The following ZCCHC7 variants were observed in gnomAD, a reference collection of about 807,000 sequenced individuals.
The protein encoded by ZCCHC7 is zinc finger CCHC-type containing 7, also known as zinc finger CCHC domain-containing protein 7.
A neutral mutation model predicts 52.0 loss-of-function variants in ZCCHC7; 35 were observed. The observed-to-expected ratio is 0.67, with a 90% CI of 0.51 to 0.89. The LOEUF is 0.89. Ranked by LOEUF, ZCCHC7 falls within the 40% of genes least tolerant of loss-of-function variation. The probability of loss-of-function intolerance (pLI) is 0.00; values close to 1 mark genes in which losing one functional copy is unlikely to be tolerated. For synonymous variants in ZCCHC7, 217 were observed against 221.5 expected (o/e 0.98, Z 0.18); for missense variants, 574 against 649.1 (o/e 0.88, Z 1.26).
chr9:37,133,936 C>T (rs1588354189), intron 2 of ZCCHC7, among the ~76,000 whole-genome samples: 1 of 152,280 alleles, frequency 6.6e-6, no homozygotes, highest in East Asian at 1.9e-4. Flanking sequence ...GTTGGCTAGA[C>T]TGGTCTTGAA....
intron 2 of ZCCHC7, among the ~76,000 whole-genome samples, chr9:37,270,682 CAAA>C (rs766670950): frequency 3.1e-5 from 3 of 95,964 alleles, no homozygotes; most frequent in Non-Finnish European, 6.5e-5. Context: ...AACTTTGTCT[CAAA>C]AAAAAAAAAA....
chr9:37,311,310 C>A (rs576107849), intron 5 of ZCCHC7, among the ~76,000 whole-genome samples: 4 of 152,302 alleles, frequency 2.6e-5, no homozygotes, highest in African/African-American at 9.6e-5. Flanking sequence ...ATTCCCTGCT[C>A]AGTGTGTTAT....
At chr9:37,340,400 T>G (rs1588694867) in intron 6 of ZCCHC7, among the ~76,000 whole-genome samples, 1 of 131,160 alleles carries the variant, frequency 7.6e-6, no homozygotes, top group African/African-American at 3.3e-5. Flanking sequence ...TATTTAAATG[T>G]CTGCAACCAA....
chr9:37,192,591 G>C (rs575373486), intron 2 of ZCCHC7, among the ~76,000 whole-genome samples: 1 of 152,298 alleles, frequency 6.6e-6, no homozygotes, highest in South Asian at 2.1e-4. Context: ...CCATGTAATT[G>C]GCTATTTCTT....
At chr9:37,155,034 G>A (rs563717445) in intron 2 of ZCCHC7, among the ~76,000 whole-genome samples, 1 of 152,190 alleles carries the variant, frequency 6.6e-6, no homozygotes, top group African/African-American at 2.4e-5. Context: ...CACATTTGTG[G>A]GTGTTCTGGC....
intron 2 of ZCCHC7, among the ~76,000 whole-genome samples, chr9:37,218,274 A>G (rs1173832901): frequency 1.3e-5 from 2 of 152,216 alleles, no homozygotes; most frequent in African/African-American, 4.8e-5. Context: ...TCCAACTACA[A>G]TTAAATAATA....
chr9:37,153,237 C>G (rs535633484), intron 2 of ZCCHC7, among the ~76,000 whole-genome samples: 14 of 151,744 alleles, frequency 9.2e-5, no homozygotes, highest in African/African-American at 3.4e-4. Flanking sequence ...CTGGTGTGAT[C>G]TCGGTTCACT....
intron 2 of ZCCHC7, among the ~76,000 whole-genome samples, chr9:37,268,790 A>G (rs1827242840): frequency 6.6e-6 from 1 of 152,204 alleles, no homozygotes; most frequent in East Asian, 1.9e-4. Context: ...ATTGTTGTCA[A>G]TTCTGGCATT....
chr9:37,136,503 G>A (rs1217694979), intron 2 of ZCCHC7, among the ~76,000 whole-genome samples: 1 of 151,960 alleles, frequency 6.6e-6, no homozygotes, highest in Non-Finnish European at 1.5e-5. Context: ...TCTCACCCAG[G>A]CAGGAGTACA....
intron 2 of ZCCHC7, among the ~76,000 whole-genome samples, chr9:37,273,641 A>G (rs983990407): frequency 9.9e-5 from 15 of 152,230 alleles, no homozygotes; most frequent in Admixed American, 2.0e-4. Context: ...GAATTATTAT[A>G]TGAATTCTTA....
In ZCCHC7 at chr9:37,175,073, G is replaced by C. The variant is rs183664988; in HGVS notation, c.610+48131G>C. ...ATTGCGTGAACCCGGGAGGTGGATC[G>C]TGCCACTGCACTCCAACCTGGATGA... On this transcript the variant is annotated intron_variant, in intron 2 of 8. Coordinates refer to ENST00000336755, the MANE Select transcript of ZCCHC7 (RefSeq NM_032226.3). Among the ~76,000 whole-genome samples, 3 of 150,848 alleles carry C rather than the reference G, an allele frequency of 2.0e-5. No individual in the cohort carries two copies. In the East Asian group the frequency reaches 5.9e-4, roughly 30 times the overall value.
intron 5 of ZCCHC7, 28 bp downstream of exon 5, chr9:37,305,742 T>C (rs1354851972): frequency 6.2e-7 from 1 of 1,608,950 alleles, no homozygotes; most frequent in South Asian, 1.1e-5. Context: ...AACTAATTTG[T>C]CAGGCTTTGG....
chr9:37,232,498 G>A (rs1825454520), intron 2 of ZCCHC7, among the ~76,000 whole-genome samples: 1 of 152,186 alleles, frequency 6.6e-6, no homozygotes, highest in Non-Finnish European at 1.5e-5. Flanking sequence ...CTAATTTGCT[G>A]CCTTGGTGAA....
chr9:37,313,671 A>G (rs1049703658), intron 5 of ZCCHC7, among the ~76,000 whole-genome samples: 3 of 152,162 alleles, frequency 2.0e-5, no homozygotes, highest in African/African-American at 7.2e-5. Flanking sequence ...CTGTTCTTGC[A>G]ATAGTAAGTT....
chr9:37,178,936 A>G (rs1010038018), intron 2 of ZCCHC7, among the ~76,000 whole-genome samples: 4 of 152,226 alleles, frequency 2.6e-5, no homozygotes, highest in East Asian at 1.9e-4. Context: ...GCAAATCAGC[A>G]TAATGTTTAC....
chr9:37,188,531 C>A (rs1302158957), intron 2 of ZCCHC7, among the ~76,000 whole-genome samples: 1 of 99,766 alleles, frequency 1.0e-5, no homozygotes, highest in African/African-American at 3.9e-5. Flanking sequence ...CTCCCCACCC[C>A]TCCTTATTAC....
At chr9:37,226,858 G>T (rs1327709558) in intron 2 of ZCCHC7, among the ~76,000 whole-genome samples, 2 of 152,006 alleles carry the variant, frequency 1.3e-5, no homozygotes, top group South Asian at 4.2e-4. Flanking sequence ...GTGAAACCCT[G>T]TCTCTACTAA....
At chr9:37,353,048 A>C (rs1354631684) in intron 7 of ZCCHC7, among the ~76,000 whole-genome samples, 1 of 152,110 alleles carries the variant, frequency 6.6e-6, no homozygotes, top group Non-Finnish European at 1.5e-5. Context: ...TTTTTCAAAC[A>C]AAAGAGAAAC....
chr9:37,246,918 C>T (rs1250202757), intron 2 of ZCCHC7, among the ~76,000 whole-genome samples: 3 of 152,132 alleles, frequency 2.0e-5, no homozygotes, highest in Non-Finnish European at 4.4e-5. Context: ...TATTACCTCA[C>T]ATACCTGTTT....
Sources: gnomAD v4.1 joint callset for allele counts (sites outside exome capture counted in the v4.1 genomes callset) on GRCh38, gnomAD v4.1.1 for gene constraint, MANE v1.5 for transcripts, NCBI Gene and HGNC (gene_info 2026-07-23, HGNC 2026-07-21) for gene names.